Variants in RNF8 observed in about 807,000 individuals in gnomAD.
The protein encoded by RNF8 is ring finger protein 8.
RNF8 carries 8 observed loss-of-function variants against 59.3 expected under a neutral mutation model. The ratio of observed to expected loss-of-function variants is 0.13; its 90% CI spans 0.08 to 0.24. RNF8 has a LOEUF of 0.24. RNF8 is among the 10% of genes least tolerant of loss of function. RNF8 has a pLI of 1.00. For missense variants in RNF8, 406 were observed against 572.6 expected (o/e 0.71, Z 2.97); for synonymous variants, 162 against 200.0 (o/e 0.81, Z 1.60).
chr6:37,360,633 T>C lies in RNF8; in HGVS notation c.240+59T>C. Reference sequence around the variant, plus strand: ...TTTGTTTTTAAATTACTTTTTTTTTTTTTTGCATAGGTAATTCATGGTATA... The same window carrying C: ...TTTGTTTTTAAATTACTTTTTTTTTCTTTTGCATAGGTAATTCATGGTATA... On this transcript the variant is annotated intron_variant, in intron 2 of 7. Coordinates refer to ENST00000373479, the MANE Select transcript of RNF8 (RefSeq NM_003958.4). The surrounding 1 kb of genome is among the most constrained non-coding windows in gnomAD (Gnocchi z 4.2). The C allele has an allele frequency of 6.6e-7, 1 of 1,515,180 alleles. No homozygotes were observed. The highest frequency in any genetic ancestry group is 2.4e-5 in the East Asian group (1 of 41,862). 93.9% of individuals were successfully genotyped at this position (1,515,180 alleles called of 1,614,324 possible). A position where few individuals can be genotyped will look rare whatever the true frequency, so the allele number is the denominator to read the frequency against.
At chr6:37,367,980 T>A (rs910448741) in intron 2 of RNF8, among the ~76,000 whole-genome samples, 1 of 152,236 alleles carries the variant, frequency 6.6e-6, no homozygotes, top group Admixed American at 6.5e-5. Flanking sequence ...ACCTGCCATT[T>A]GACCCCAGTA....
intron 2 of RNF8, among the ~76,000 whole-genome samples, chr6:37,363,336 A>C (rs991032082): frequency 3.9e-5 from 6 of 152,228 alleles, no homozygotes; most frequent in Non-Finnish European, 8.8e-5. Flanking sequence ...TTCGTCAAAA[A>C]ACACCATTAA....
Position 37,390,784 on chromosome 6 carries a change from A to G in RNF8, c.*26A>G. 2.5e-6 allele frequency: 4 copies of G among 1,614,176 alleles called. No individual in the cohort carries two copies. Among genetic ancestry groups the G allele is most frequent in the Non-Finnish European group, 3.4e-6 (4 of 1,180,004 alleles). The stretch of plus-strand genomic sequence containing the variant: ...AGACCGTGCTCTAAGGGCATTTGAA[A>G]GACTGCCAGGTAGTGCGAGCCTGAG... On this transcript the variant is annotated 3_prime_UTR_variant, in exon 8 of 8. Transcript: ENST00000373479.
In RNF8 at chr6:37,360,983, T is replaced by C. The variant is rs1189610413; in HGVS notation, c.240+409T>C. 2.6e-5 allele frequency among the ~76,000 whole-genome samples: 4 copies of C among 152,162 alleles called. No individual in the cohort carries two copies. The highest frequency in any genetic ancestry group is 5.9e-5 in the Non-Finnish European group (4 of 68,020). On this transcript the variant is annotated intron_variant, in intron 2 of 7. Transcript: ENST00000373479. The surrounding 1 kb of genome is among the most constrained non-coding windows in gnomAD (Gnocchi z 4.2). ...AGAAACTGATCTGATTGCGCTTAGCTCCTTTCCTTCCTCACTCCTTTCAAT... is the reference window on the plus strand; with the variant it reads ...AGAAACTGATCTGATTGCGCTTAGCCCCTTTCCTTCCTCACTCCTTTCAAT...
rs151021029 is a variant in RNF8 at position 37,379,072 on chromosome 6, A to G, written c.1236+2039A>G. Among the ~76,000 whole-genome samples, 825 of 152,230 alleles carry G rather than the reference A, an allele frequency of 5.4e-3. 4 individuals carry two copies. The highest frequency in any genetic ancestry group is 0.033 in the South Asian group (158 of 4,822). On this transcript the variant is annotated intron_variant, in intron 6 of 7. Transcript: ENST00000373479. ...CACTGTGTCACCCAGGCTGGAGTGC[A>G]GTGGCGCAATCTCGGCTCACTGCAG... is the stretch of plus-strand genomic sequence containing the variant.
chr6:37,379,760 G>A (rs1023854327), intron 6 of RNF8, among the ~76,000 whole-genome samples: 1 of 152,060 alleles, frequency 6.6e-6, no homozygotes, highest in Non-Finnish European at 1.5e-5. Flanking sequence ...TTTTAGAGAT[G>A]ATGTCTTATA....
chr6:37,377,688 C>T (rs1450950251), intron 6 of RNF8, among the ~76,000 whole-genome samples: 1 of 152,176 alleles, frequency 6.6e-6, no homozygotes. Flanking sequence ...CAGAATAAAG[C>T]TGCTCAATAA....
At chr6:37,358,510 T>A (rs1235679883) in intron 1 of RNF8, among the ~76,000 whole-genome samples, 1 of 152,150 alleles carries the variant, frequency 6.6e-6, no homozygotes, top group Admixed American at 6.5e-5. Context: ...ATAGCCCATA[T>A]AATTTACCAG....
At chr6:37,356,250 G>C (rs1769112357) in intron 1 of RNF8, among the ~76,000 whole-genome samples, 1 of 152,222 alleles carries the variant, frequency 6.6e-6, no homozygotes, top group Admixed American at 6.5e-5. Context: ...AAGCCTGCCA[G>C]GCTTGGCTGC....
chr6:37,371,621 A>G, intron 4 of RNF8, 47 bp downstream of exon 4: 1 of 1,503,204 alleles, frequency 6.7e-7, no homozygotes, highest in Non-Finnish European at 9.3e-7. Flanking sequence ...TGGAGTGGGG[A>G]GCAAACAGGC....
chr6:37,361,005 C>T (rs1769298520), intron 2 of RNF8, among the ~76,000 whole-genome samples: 1 of 152,126 alleles, frequency 6.6e-6, no homozygotes, highest in Non-Finnish European at 1.5e-5. Flanking sequence ...TCACTCCTTT[C>T]AATCTGAGCA....
In RNF8 at chr6:37,390,778, T is replaced by G; in HGVS notation, c.*20T>G. On this transcript the variant is annotated 3_prime_UTR_variant, in exon 8 of 8. Transcript: ENST00000373479. Reference sequence around the variant, plus strand: ...TTCTGAAGACCGTGCTCTAAGGGCATTTGAAAGACTGCCAGGTAGTGCGAG... The same window carrying G: ...TTCTGAAGACCGTGCTCTAAGGGCAGTTGAAAGACTGCCAGGTAGTGCGAG... The G allele has an allele frequency of 6.2e-7, 1 of 1,614,104 alleles. No individual in the cohort carries two copies. Among genetic ancestry groups the G allele is most frequent in the Non-Finnish European group, 8.5e-7 (1 of 1,179,954 alleles).
Position 37,391,267 on chromosome 6 carries a change from C to T in RNF8, c.*509C>T. ...AGCTGGGCTTTGGTGTATTTACCTT[C>T]CTTCCCTTCCTGCTCCCAGACAGTC... is the stretch of plus-strand genomic sequence containing the variant. On this transcript the variant is annotated 3_prime_UTR_variant, in exon 8 of 8. Transcript: ENST00000373479. 6.1e-6 allele frequency: 1 copy of T among 163,698 alleles called. No individual in the cohort carries two copies. The highest frequency in any genetic ancestry group is 6.0e-5 in the Admixed American group (1 of 16,670). The allele number at this position is 163,698 out of a possible 1,614,324, so 10.1% of individuals were successfully genotyped here.
At chr6:37,375,926 C>T (rs1436427146) in intron 5 of RNF8, among the ~76,000 whole-genome samples, 1 of 152,196 alleles carries the variant, frequency 6.6e-6, no homozygotes, top group Admixed American at 6.5e-5. Context: ...TGTCCACACG[C>T]AGTCTGACCT....
At chr6:37,361,481 G>T (rs568286847) in intron 2 of RNF8, 2 of 375,064 alleles carry the variant, frequency 5.3e-6, no homozygotes, top group African/African-American at 2.1e-5. Context: ...AAGCCCTGTC[G>T]CTATCAAAAA....
At position 37,368,589 on chromosome 6, in the gene RNF8, G is replaced by A; in HGVS notation, c.346G>A (p.Glu116Lys). ...IQLGVPLENKENAEYEYEVTE... is the reference protein window; with the variant it reads ...IQLGVPLENKKNAEYEYEVTE... ...ACTTGGAGTGCCTCTGGAAAATAAG[G>A]AGAATGCGGAGTATGAATATGAAGT... is the stretch of plus-strand genomic sequence containing the variant. The change falls in exon 3 of 8, where the codon GAG (glutamate) becomes AAG (lysine). Residue 116 changes from glutamate to lysine, a missense_variant. Around this residue, in one of 3 missense-constraint regions of RNF8, gnomAD observed 285 missense variants for 342.0 expected, o/e 0.83. Transcript: ENST00000373479. The A allele has an allele frequency of 1.9e-6, 3 of 1,614,152 alleles. No homozygotes were observed. Among genetic ancestry groups the A allele is most frequent in the Non-Finnish European group, 2.5e-6 (3 of 1,180,024 alleles).
At chr6:37,362,343 G>T (rs766498531) in intron 2 of RNF8, among the ~76,000 whole-genome samples, 1 of 152,330 alleles carries the variant, frequency 6.6e-6, no homozygotes, top group East Asian at 1.9e-4. Context: ...TGCAAGATCA[G>T]ATCATGACTG....
rs1770735429 is a variant in RNF8, at chr6:37,391,882, C to G, written c.*1124C>G. ...GGCCAGGCTGGTCTCAAATTCCTGA[C>G]CTTAAGTGATCCACCTGCCTAGGCC... On this transcript the variant is annotated 3_prime_UTR_variant, in exon 8 of 8. Coordinates refer to ENST00000373479, the MANE Select transcript of RNF8 (RefSeq NM_003958.4). 1 of 152,316 alleles carries G rather than the reference C, an allele frequency of 6.6e-6. No homozygotes were observed. The highest frequency in any genetic ancestry group is 2.4e-5 in the African/African-American group (1 of 41,448). The allele number at this position is 152,316 out of a possible 1,614,324, so 9.4% of individuals were successfully genotyped here.
intron 6 of RNF8, among the ~76,000 whole-genome samples, chr6:37,380,792 C>T (rs1003680963): frequency 4.4e-4 from 67 of 151,982 alleles, no homozygotes; most frequent in Admixed American, 5.2e-4. Flanking sequence ...AAGCAATTCT[C>T]GTGCCTCAGC....
Sources: gnomAD v4.1 joint callset for allele counts (sites outside exome capture counted in the v4.1 genomes callset) on GRCh38, gnomAD v4.1.1 for gene constraint, gnomAD v4.1.1 regional missense constraint, Gnocchi (gnomAD v3.1) non-coding constraint, MANE v1.5 for transcripts, NCBI Gene and HGNC (gene_info 2026-07-23, HGNC 2026-07-21) for gene names.